Variants in TMEM45B observed in about 807,000 individuals in gnomAD.
TMEM45B encodes transmembrane protein 45B.
In TMEM45B, 29 loss-of-function variants were observed where a neutral mutation model predicts 27.3. The observed-to-expected ratio is 1.06, with a 90% CI of 0.79 to 1.45. TMEM45B has a LOEUF of 1.45. Ranked by LOEUF, TMEM45B falls within the 40% of genes most tolerant of loss-of-function variation. TMEM45B has a pLI of 0.00. For synonymous variants in TMEM45B, 143 were observed against 134.7 expected (o/e 1.06, Z -0.43); for missense variants, 348 against 343.9 (o/e 1.01, Z -0.09).
At chr11:129,829,379 C>T in intron 1 of TMEM45B, among the ~76,000 whole-genome samples, 1 of 152,206 alleles carries the variant, frequency 6.6e-6, no homozygotes. Flanking sequence ...AACTCTTGGG[C>T]ACATAGGAAC....
At chr11:129,857,121 G>A (rs1947939779) in intron 4 of TMEM45B, among the ~76,000 whole-genome samples, 192 bp from the exon 5 acceptor site, 1 of 152,128 alleles carries the variant, frequency 6.6e-6, no homozygotes, top group South Asian at 2.1e-4. Context: ...CGAAGTGCTG[G>A]TATTACAGAC....
At chr11:129,815,973 G>C (rs1591429387) in intron 1 of TMEM45B, 75 bp downstream of exon 1, 1 of 1,256,756 alleles carries the variant, frequency 8.0e-7, no homozygotes, top group African/African-American at 1.6e-5. Context: ...GCCAAGGAGC[G>C]GGGCTGTGAT....
chr11:129,848,777 G>A (rs1210590431), intron 1 of TMEM45B, among the ~76,000 whole-genome samples: 1 of 152,188 alleles, frequency 6.6e-6, no homozygotes, highest in East Asian at 1.9e-4. Flanking sequence ...ATTTCTCACA[G>A]TTCTGAAGGT....
At chr11:129,816,248 C>T (rs1424914146) in intron 1 of TMEM45B, among the ~76,000 whole-genome samples, 2 of 152,160 alleles carry the variant, frequency 1.3e-5, no homozygotes, top group Admixed American at 6.5e-5. Flanking sequence ...TGCCGCGTTG[C>T]CCGGTGAGGG....
chr11:129,855,052 C>T (rs1013481546), intron 3 of TMEM45B, among the ~76,000 whole-genome samples: 4 of 152,182 alleles, frequency 2.6e-5, no homozygotes, highest in Admixed American at 6.5e-5. Context: ...ACCAAAGCCC[C>T]GGCTAACACT....
At chr11:129,857,198 T>C (rs916895696) in intron 4 of TMEM45B, 115 bp from the exon 5 acceptor site, 1 of 1,245,342 alleles carries the variant, frequency 8.0e-7, no homozygotes, top group Non-Finnish European at 1.1e-6. Flanking sequence ...TAACGAAGTG[T>C]GGGAACTATG....
intron 1 of TMEM45B, among the ~76,000 whole-genome samples, chr11:129,838,977 T>C (rs909027300): frequency 6.6e-5 from 10 of 152,188 alleles, no homozygotes; most frequent in African/African-American, 1.9e-4. Context: ...AATTTCTCCT[T>C]TCCTTGGCAC....
chr11:129,832,371 A>G (rs796676521), intron 1 of TMEM45B, among the ~76,000 whole-genome samples: 22 of 152,306 alleles, frequency 1.4e-4, no homozygotes, highest in African/African-American at 5.3e-4. Flanking sequence ...CTGTGTCTCA[A>G]ATAAATAAAT....
At position 129,840,946 on chromosome 11, in the gene TMEM45B, T is replaced by TAAAAAAAAAAA. The variant is rs55905045; in HGVS notation, c.-8-11515_-8-11505dup. Among the ~76,000 whole-genome samples, 37 of 29,270 alleles carry TAAAAAAAAAAA rather than the reference T, an allele frequency of 1.3e-3. 1 individual carries two copies. Among genetic ancestry groups the TAAAAAAAAAAA allele is most frequent in the East Asian group, 3.5e-3 (3 of 858 alleles). The allele number at this position is 29,270 out of a possible 152,430, so 19.2% of individuals were successfully genotyped here. A position where few individuals can be genotyped will look rare whatever the true frequency, so the allele number is the denominator to read the frequency against. On this transcript the variant is annotated intron_variant, in intron 1 of 5. Coordinates refer to ENST00000281441, the MANE Select transcript of TMEM45B (RefSeq NM_138788.5). ...CAAAGAGGCAGGCAATTTCTTTCTG[T>TAAAAAAAAAAA]AAAAAAAAAAAAAAAAAAAAAAAAG... is the stretch of plus-strand genomic sequence containing the variant.
rs374842112 is a variant in TMEM45B at position 129,852,480 on chromosome 11, C to T, written c.-3C>T. 3.1e-6 allele frequency: 5 copies of T among 1,587,934 alleles called. No homozygotes were observed. In the Admixed American group the frequency reaches 6.8e-5, roughly 22 times the overall value. On this transcript the variant is annotated 5_prime_UTR_variant, in exon 2 of 6. Coordinates refer to ENST00000281441, the MANE Select transcript of TMEM45B (RefSeq NM_138788.5). ...GCCTTCCCCTAATTTTTTAGGTGTC[C>T]TGATGGCAAATTTCAAGGGCCACGC... is the stretch of plus-strand genomic sequence containing the variant.
chr11:129,826,530 C>T (rs1317893905), intron 1 of TMEM45B, among the ~76,000 whole-genome samples: 11 of 103,602 alleles, frequency 1.1e-4, no homozygotes, highest in African/African-American at 3.8e-4. Flanking sequence ...GCCTGGGGGA[C>T]ACAGCAAGAC....
chr11:129,824,334 A>C (rs1202680000), intron 1 of TMEM45B, among the ~76,000 whole-genome samples: 1 of 152,202 alleles, frequency 6.6e-6, no homozygotes, highest in Non-Finnish European at 1.5e-5. Flanking sequence ...TAATACTAAA[A>C]AATATATGCT....
Position 129,850,067 on chromosome 11 carries a change from A to G in TMEM45B, c.-8-2408A>G, listed in dbSNP as rs150835963. 6.9e-4 allele frequency among the ~76,000 whole-genome samples: 105 copies of G among 152,144 alleles called. 1 individual carries two copies. The South Asian group carries it at 8.5e-3, about 12-fold the overall frequency. On this transcript the variant is annotated intron_variant, in intron 1 of 5. Coordinates refer to ENST00000281441, the MANE Select transcript of TMEM45B (RefSeq NM_138788.5). ...ACACGTTTTTCTCTTTTTCATGGCT[A>G]GGCTGAGAATTTTTCAGATATTGAC...
Position 129,852,678 on chromosome 11 carries a change from T to C in TMEM45B, c.178+18T>C, listed in dbSNP as rs763325197. 1.3e-6 allele frequency: 2 copies of C among 1,591,432 alleles called. No individual in the cohort carries two copies. Among genetic ancestry groups the C allele is most frequent in the East Asian group, 4.5e-5 (2 of 44,226 alleles). ...CGTCACTGGTAAGAGCAGGGGTCAT[T>C]TGGTCTAGGGAATCTCCTCATCATA... On this transcript the variant is annotated intron_variant, in intron 2 of 5. Coordinates refer to ENST00000281441, the MANE Select transcript of TMEM45B (RefSeq NM_138788.5).
At chr11:129,856,857 C>CA (rs1324464213) in intron 4 of TMEM45B, among the ~76,000 whole-genome samples, 6 of 129,738 alleles carry the variant, frequency 4.6e-5, no homozygotes, top group Non-Finnish European at 8.0e-5. Flanking sequence ...CCGCGCCCGG[C>CA]TTTTTTTTTT....
chr11:129,843,707 G>A (rs180871264), intron 1 of TMEM45B, among the ~76,000 whole-genome samples: 23 of 152,066 alleles, frequency 1.5e-4, no homozygotes, highest in East Asian at 7.7e-4. Context: ...ATCACTAATC[G>A]TCAGGGAAAT....
At chr11:129,841,332 G>A (rs549312865) in intron 1 of TMEM45B, among the ~76,000 whole-genome samples, 52 of 152,320 alleles carry the variant, frequency 3.4e-4, no homozygotes, top group African/African-American at 1.2e-3. Flanking sequence ...CTAGCTTGAG[G>A]TTGCAGCCCC....
At chr11:129,818,288 GA>G (rs1947376405) in intron 1 of TMEM45B, among the ~76,000 whole-genome samples, 1 of 152,188 alleles carries the variant, frequency 6.6e-6, no homozygotes, top group Non-Finnish European at 1.5e-5. Context: ...GAGGAAAAAG[GA>G]AAGCTAAAAG....
At chr11:129,829,410 C>T (rs575285432) in intron 1 of TMEM45B, among the ~76,000 whole-genome samples, 52 of 152,256 alleles carry the variant, frequency 3.4e-4, no homozygotes, top group Admixed American at 1.2e-3. Flanking sequence ...TTTGATTTTA[C>T]TTTTAAGTAT....
Sources: gnomAD v4.1 joint callset for allele counts (sites outside exome capture counted in the v4.1 genomes callset) on GRCh38, gnomAD v4.1.1 for gene constraint, MANE v1.5 for transcripts, NCBI Gene and HGNC (gene_info 2026-07-23, HGNC 2026-07-21) for gene names.